ZMYND12: variants seen among roughly 807,000 people sequenced by gnomAD.
ZMYND12 encodes zinc finger MYND domain-containing protein 12.
ZMYND12 carries 32 observed loss-of-function variants against 41.7 expected under a neutral mutation model. The observed-to-expected ratio is 0.77, with a 90% CI of 0.58 to 1.03. The LOEUF is 1.03. ZMYND12 is among the 50% of genes least tolerant of loss of function. The probability of loss-of-function intolerance (pLI) is 0.00; values close to 1 mark genes in which losing one functional copy is unlikely to be tolerated. For synonymous variants in ZMYND12, 148 were observed against 164.8 expected, an observed-to-expected ratio of 0.90 and a Z score of 0.78; for missense variants, 424 against 438.5, an observed-to-expected ratio of 0.97 and a Z score of 0.30.
chr1:42,446,264 G>T (rs142535826), intron 3 of ZMYND12, among the ~76,000 whole-genome samples: 238 of 152,314 alleles, frequency 1.6e-3, no homozygotes, highest in African/African-American at 5.6e-3. Flanking sequence ...AAAGGGAGTT[G>T]CAATTAAGGA....
chr1:42,454,626 T>C (rs1643126500), intron 1 of ZMYND12, among the ~76,000 whole-genome samples: 1 of 152,134 alleles, frequency 6.6e-6, no homozygotes, highest in Non-Finnish European at 1.5e-5. Flanking sequence ...TCCAAACCCT[T>C]GATCTCATGT....
intron 1 of ZMYND12, among the ~76,000 whole-genome samples, chr1:42,455,419 C>G (rs901335047): frequency 6.6e-6 from 1 of 152,224 alleles, no homozygotes; most frequent in Non-Finnish European, 1.5e-5. Flanking sequence ...ATTACAGGCG[C>G]CCAGCACCAC....
At chr1:42,448,129 G>T (rs1288482606) in intron 3 of ZMYND12, among the ~76,000 whole-genome samples, 2 of 149,066 alleles carry the variant, frequency 1.3e-5, no homozygotes, top group Non-Finnish European at 3.0e-5. Context: ...AAAGCAGATA[G>T]ATACCCAGAG....
chr1:42,449,493 T>C (rs989986403), intron 2 of ZMYND12, among the ~76,000 whole-genome samples: 2 of 152,112 alleles, frequency 1.3e-5, no homozygotes, highest in African/African-American at 4.8e-5. Flanking sequence ...TGTGTCTTTA[T>C]AAAAAGAGGA....
At chr1:42,434,780 G>A (rs1642888545) in intron 6 of ZMYND12, among the ~76,000 whole-genome samples, 1 of 151,702 alleles carries the variant, frequency 6.6e-6, no homozygotes, top group Non-Finnish European at 1.5e-5. Context: ...TCTACATTAT[G>A]ATGCATGGTA....
intron 1 of ZMYND12, among the ~76,000 whole-genome samples, chr1:42,453,187 A>G (rs1643100984): frequency 6.6e-6 from 1 of 152,222 alleles, no homozygotes; most frequent in South Asian, 2.1e-4. Flanking sequence ...AAAGACATAG[A>G]AATCTGGAGA....
chr1:42,430,858 C>T lies in ZMYND12; in HGVS notation c.976G>A (p.Ala326Thr). ...AGGGCCCTCATGCCATATTCCTGTGCCTGAAATAGAATTGCAGTGACAAAA... is the reference window on the plus strand; with the variant it reads ...AGGGCCCTCATGCCATATTCCTGTGTCTGAAATAGAATTGCAGTGACAAAA... ...FYYLMMNSSK[A>T]QEYGMRALSL... The change falls in exon 8 of 8, where the codon GCA (alanine) becomes ACA (threonine). Residue 326 changes from alanine (A) to threonine (T), a missense_variant and splice_region_variant. Ala to Thr is a moderately conservative substitution (Grantham distance 58). Transcript: ENST00000372565. The T allele has an allele frequency of 6.2e-7, 1 of 1,613,992 alleles. No homozygotes were observed. Among genetic ancestry groups the T allele is most frequent in the South Asian group, 1.1e-5 (1 of 91,056 alleles).
chr1:42,441,455 A>G (rs535629034), intron 3 of ZMYND12, among the ~76,000 whole-genome samples: 24 of 152,338 alleles, frequency 1.6e-4, no homozygotes, highest in Admixed American at 6.5e-4. Context: ...CATATAACCT[A>G]TGCACATCAT....
Position 42,436,464 on chromosome 1 carries a change from T to G in ZMYND12, c.674A>C (p.Tyr225Ser). 1 of 1,613,766 alleles carries G rather than the reference T, an allele frequency of 6.2e-7. No individual in the cohort carries two copies. The highest frequency in any genetic ancestry group is 8.5e-7 in the Non-Finnish European group (1 of 1,179,680). Reference protein sequence around the residue: ...GGYFHLANIFYDLKKLDLADT... With the variant: ...GGYFHLANIFSDLKKLDLADT... ...TGCCAGGTCCAACTTTTTAAGGTCA[T>G]AGAATATATTAGCCAGGTGGAAGTA... Residue 225 changes from tyrosine to serine, a missense_variant, in exon 5 of 8, where the codon TAT becomes TCT. Transcript: ENST00000372565.
chr1:42,441,576 TC>T (rs1642969202), intron 3 of ZMYND12, among the ~76,000 whole-genome samples: 1 of 152,228 alleles, frequency 6.6e-6, no homozygotes, highest in East Asian at 1.9e-4. Context: ...TTACATTTTT[TC>T]TTTTTTTGTT....
At chr1:42,453,992 A>T (rs537577774) in intron 1 of ZMYND12, among the ~76,000 whole-genome samples, 1 of 152,232 alleles carries the variant, frequency 6.6e-6, no homozygotes, top group Non-Finnish European at 1.5e-5. Flanking sequence ...ACTGTGAGAG[A>T]GAAAAGTATG....
chr1:42,439,631 C>T (rs149864063), intron 4 of ZMYND12, among the ~76,000 whole-genome samples: 13 of 152,268 alleles, frequency 8.5e-5, no homozygotes, highest in Non-Finnish European at 1.6e-4. Context: ...ACTGAAACTT[C>T]AGGAATATGT....
intron 3 of ZMYND12, among the ~76,000 whole-genome samples, chr1:42,447,636 A>G (rs1480514208): frequency 6.6e-6 from 1 of 152,216 alleles, no homozygotes; most frequent in African/African-American, 2.4e-5. Context: ...TATTCTAAGG[A>G]TAGGGAATCA....
chr1:42,441,381 AC>A (rs1051540230), intron 3 of ZMYND12, among the ~76,000 whole-genome samples: 9 of 152,268 alleles, frequency 5.9e-5, no homozygotes, highest in African/African-American at 2.2e-4. Flanking sequence ...TGGTTCCAGA[AC>A]CCCCATCAGA....
Position 42,433,132 on chromosome 1 carries a change from G to A in ZMYND12, c.975+11C>T. 6.2e-7 allele frequency: 1 copy of A among 1,603,424 alleles called. No individual in the cohort carries two copies. Among genetic ancestry groups the A allele is most frequent in the Non-Finnish European group, 8.5e-7 (1 of 1,176,894 alleles). ...TCATTTTAGACGTGTTGCTTTTTTA[G>A]GGAAACTTGCCTTTGAAGAATTCAT... On this transcript the variant is annotated intron_variant, in intron 7 of 7. Coordinates refer to ENST00000372565, the MANE Select transcript of ZMYND12 (RefSeq NM_032257.5).
At chr1:42,438,599 C>T (rs1642931577) in intron 4 of ZMYND12, among the ~76,000 whole-genome samples, 1 of 152,170 alleles carries the variant, frequency 6.6e-6, no homozygotes, top group Non-Finnish European at 1.5e-5. Flanking sequence ...CCTACTATGC[C>T]TTCCACTCTC....
intron 2 of ZMYND12, among the ~76,000 whole-genome samples, 167 bp downstream of exon 2, chr1:42,449,751 A>T (rs190863707): frequency 6.6e-6 from 1 of 152,334 alleles, no homozygotes; most frequent in Admixed American, 6.5e-5. Flanking sequence ...TATTTAGTAA[A>T]TGTGGAAAAC....
chr1:42,452,964 T>A (rs1364457817), intron 1 of ZMYND12, among the ~76,000 whole-genome samples: 1 of 152,058 alleles, frequency 6.6e-6, no homozygotes, highest in Non-Finnish European at 1.5e-5. Flanking sequence ...ATTGCAATTA[T>A]AATCAGGAAA....
chr1:42,433,201 G>C lies in ZMYND12; in HGVS notation c.917C>G (p.Thr306Ser). 1 of 1,612,574 alleles carries C rather than the reference G, an allele frequency of 6.2e-7. No individual in the cohort carries two copies. The highest frequency in any genetic ancestry group is 1.1e-5 in the South Asian group (1 of 90,608). The change falls in exon 7 of 8, where the codon ACC (threonine) becomes AGC (serine). Residue 306 changes from threonine (T) to serine (S), a missense_variant. Coordinates refer to ENST00000372565, the MANE Select transcript of ZMYND12 (RefSeq NM_032257.5). ...GACCAGGATCTTCAGAACAAAGATG[G>C]TTTTTTGGGGGGCTTTGTCAGATGT... Reference protein sequence around the residue: ...ESTSDKAPQKTIFVLKILVMF... With the variant: ...ESTSDKAPQKSIFVLKILVMF...
Sources: allele counts gnomAD v4.1 joint callset (sites outside exome capture counted in the v4.1 genomes callset), GRCh38; gene constraint gnomAD v4.1.1; transcripts MANE v1.5; gene names NCBI Gene and HGNC (gene_info 2026-07-23, HGNC 2026-07-21).